Variants in COL4A6 observed in about 807,000 individuals in gnomAD.
The protein encoded by COL4A6 is collagen alpha-6(IV) chain.
In COL4A6, 59 loss-of-function variants were observed where a neutral mutation model predicts 126.7. The observed-to-expected ratio is 0.47, with a 90% CI of 0.38 to 0.58. The LOEUF (loss-of-function observed/expected upper bound fraction) is 0.58. Ranked by LOEUF, COL4A6 falls within the 20% of genes least tolerant of loss-of-function variation. The probability of loss-of-function intolerance (pLI) is 0.00; values close to 1 mark genes in which losing one functional copy is unlikely to be tolerated. For missense variants in COL4A6, 1,285 were observed against 1,337.3 expected (o/e 0.96, Z 0.61); for synonymous variants, 547 against 496.6 (o/e 1.10, Z -1.35).
At chrX:108,288,561 A>G (rs1023165364) in intron 3 of COL4A6, among the ~76,000 whole-genome samples, 2 of 111,443 alleles carry the variant, frequency 1.8e-5, no homozygotes, top group Admixed American at 1.9e-4. Flanking sequence ...TTAGATATGG[A>G]ACTCCTTATT....
At chrX:108,317,639 T>C (rs917378916) in intron 2 of COL4A6, among the ~76,000 whole-genome samples, 3 of 111,554 alleles carry the variant, frequency 2.7e-5, no homozygotes, top group Non-Finnish European at 5.7e-5. Context: ...TTCAGCTTTC[T>C]ACATACGGCT....
chrX:108,320,768 C>A (rs996063450), intron 2 of COL4A6, among the ~76,000 whole-genome samples: 3 of 111,903 alleles, frequency 2.7e-5, no homozygotes, highest in Non-Finnish European at 5.6e-5. Flanking sequence ...TTTCATACAG[C>A]ATAATGAAAC....
intron 2 of COL4A6, among the ~76,000 whole-genome samples, chrX:108,369,026 G>A (rs1192274330): frequency 8.9e-6 from 1 of 111,946 alleles, no homozygotes; most frequent in Non-Finnish European, 1.9e-5. Flanking sequence ...TAATAGTATA[G>A]TAAATACGAA....
At chrX:108,365,547 T>C (rs936069589) in intron 2 of COL4A6, among the ~76,000 whole-genome samples, 6 of 111,670 alleles carry the variant, frequency 5.4e-5, no homozygotes, top group African/African-American at 2.0e-4. Context: ...AGTAAATATA[T>C]AGCTGCCTCC....
intron 3 of COL4A6, among the ~76,000 whole-genome samples, chrX:108,298,465 TG>T (rs1196337468): frequency 9.0e-5 from 10 of 111,506 alleles, no homozygotes; most frequent in Non-Finnish European, 1.7e-4. Flanking sequence ...GCCCTCTCCC[TG>T]GGCGGCCTCA....
Position 108,172,604 on chromosome X carries a change from C to T in COL4A6, c.3139-72G>A, listed in dbSNP as rs2034347877. The T allele has an allele frequency of 5.3e-5, 44 of 828,408 alleles. No homozygotes were observed. The East Asian group carries it at 1.4e-3, about 27-fold the overall frequency. 68.3% of individuals were successfully genotyped at this position (828,408 alleles called of 1,213,427 possible). A position where few individuals can be genotyped will look rare whatever the true frequency, so the allele number is the denominator to read the frequency against. On this transcript the variant is annotated intron_variant, in intron 31 of 44. Coordinates refer to ENST00000334504, the MANE Select transcript of COL4A6 (RefSeq NM_033641.4). ...TGCCCACCCTCTTACTTCCTCACCCCTCACTGAGCCACTGCCTGAGAGATG... is the reference window on the plus strand; with the variant it reads ...TGCCCACCCTCTTACTTCCTCACCCTTCACTGAGCCACTGCCTGAGAGATG...
At position 108,191,410 on chromosome X, in the gene COL4A6, C is replaced by G; in HGVS notation, c.1304G>C (p.Gly435Ala). Residue 435 changes from glycine to alanine, a missense_variant, in exon 19 of 45, where the codon GGT (glycine) becomes GCT (alanine). Transcript: ENST00000334504. The part of the protein sequence containing the change: ...PGRDGLPGPP[G>A]PPGPPSPEFE... ...TAACTTACTAGGTGGGCCTGGTGGA[C>G]CTGGTGGGCCTGGCAAACCATCTCT... 3 of 1,209,886 alleles carry G rather than the reference C, an allele frequency of 2.5e-6. No homozygotes were observed. The highest frequency in any genetic ancestry group is 3.4e-6 in the Non-Finnish European group (3 of 894,751).
intron 2 of COL4A6, among the ~76,000 whole-genome samples, chrX:108,399,721 A>G (rs745948579): frequency 8.9e-6 from 1 of 111,826 alleles, no homozygotes; most frequent in African/African-American, 3.2e-5. Context: ...TTCATTATTA[A>G]CCATTTTGAA....
Position 108,231,559 on chromosome X carries a change from A to G in COL4A6, c.145-10185T>C, listed in dbSNP as rs759330320. On this transcript the variant is annotated intron_variant, in intron 3 of 44. Coordinates refer to ENST00000334504, the MANE Select transcript of COL4A6 (RefSeq NM_033641.4). ...TATTAATCTCATTTTACAGATGAGGAAACTCAAATACAGAGAGATTAAGGA... is the reference window on the plus strand; with the variant it reads ...TATTAATCTCATTTTACAGATGAGGGAACTCAAATACAGAGAGATTAAGGA... Among the ~76,000 whole-genome samples, 4 of 112,180 alleles carry G rather than the reference A, an allele frequency of 3.6e-5. No homozygotes were observed. The South Asian group carries it at 1.5e-3, about 42-fold the overall frequency.
In COL4A6 at chrX:108,170,069, T is replaced by A. The variant is rs2034255651; in HGVS notation, c.3494-53A>T. On this transcript the variant is annotated intron_variant, in intron 35 of 44. Transcript: ENST00000334504. The stretch of plus-strand genomic sequence containing the variant: ...TCCAGCAACTCTGAATCATGAAGCA[T>A]CAGCAAGAGGTAGCTACCTGCCCCC... 3 of 1,037,307 alleles carry A rather than the reference T, an allele frequency of 2.9e-6. No individual in the cohort carries two copies. In the Admixed American group the frequency reaches 7.9e-5, roughly 27 times the overall value. The allele number at this position is 1,037,307 out of a possible 1,213,427, so 85.5% of individuals were successfully genotyped here.
intron 3 of COL4A6, among the ~76,000 whole-genome samples, chrX:108,253,414 C>T (rs747642835): frequency 1.8e-5 from 2 of 111,885 alleles, no homozygotes; most frequent in South Asian, 7.4e-4. Context: ...TATAGATACT[C>T]CCACTGTCTG....
intron 3 of COL4A6, among the ~76,000 whole-genome samples, chrX:108,257,297 T>G (rs751254911): frequency 8.9e-6 from 1 of 111,752 alleles, no homozygotes; most frequent in African/African-American, 3.2e-5. Flanking sequence ...ATTATGATGT[T>G]CCAGTGAACC....
At chrX:108,408,569 CA>C (rs746124779) in intron 2 of COL4A6, among the ~76,000 whole-genome samples, 7 of 111,853 alleles carry the variant, frequency 6.3e-5, no homozygotes, top group African/African-American at 2.3e-4. Flanking sequence ...TATACACCAA[CA>C]AAAGACTACG....
chrX:108,208,098 GAT>G (rs2035603372), intron 8 of COL4A6, among the ~76,000 whole-genome samples: 2 of 112,045 alleles, frequency 1.8e-5, no homozygotes, highest in African/African-American at 6.5e-5. Context: ...ATTTCAAAAT[GAT>G]AAAATAGGTC....
intron 2 of COL4A6, among the ~76,000 whole-genome samples, chrX:108,322,040 C>T (rs982945069): frequency 1.8e-5 from 2 of 111,556 alleles, no homozygotes; most frequent in African/African-American, 3.3e-5. Context: ...TTCCCTTAAA[C>T]TAGGCCCCGT....
intron 3 of COL4A6, among the ~76,000 whole-genome samples, chrX:108,256,523 G>A (rs2037010510): frequency 9.0e-6 from 1 of 111,424 alleles, no homozygotes. Flanking sequence ...AGAGGGGCTA[G>A]GAACTTGCCT....
intron 2 of COL4A6, among the ~76,000 whole-genome samples, chrX:108,364,894 T>G (rs983785831): frequency 1.8e-5 from 2 of 111,505 alleles, no homozygotes; most frequent in Admixed American, 1.9e-4. Flanking sequence ...CTATGGTGAA[T>G]AGTGCTGGAA....
chrX:108,252,057 T>C (rs910009653), intron 3 of COL4A6, among the ~76,000 whole-genome samples: 1 of 111,425 alleles, frequency 9.0e-6, no homozygotes, highest in East Asian at 2.8e-4. Context: ...CACCCTACTA[T>C]GCAATAGAAG....
At chrX:108,346,859 C>T (rs755081603) in intron 2 of COL4A6, among the ~76,000 whole-genome samples, 10 of 111,596 alleles carry the variant, frequency 9.0e-5, no homozygotes, top group Non-Finnish European at 1.5e-4. Flanking sequence ...TGACAGCGGT[C>T]GTAGTGATGG....
Sources: gnomAD v4.1 joint callset for allele counts (sites outside exome capture counted in the v4.1 genomes callset) on GRCh38, gnomAD v4.1.1 for gene constraint, MANE v1.5 for transcripts, NCBI Gene and HGNC (gene_info 2026-07-23, HGNC 2026-07-21) for gene names.